YBX1: variants seen among roughly 807,000 people sequenced by gnomAD.
The protein encoded by YBX1 is Y-box-binding protein 1.
YBX1 carries 3 observed loss-of-function variants against 41.4 expected under a neutral mutation model. The ratio of observed to expected loss-of-function variants is 0.07; its 90% CI spans 0.03 to 0.19. The LOEUF (loss-of-function observed/expected upper bound fraction) is 0.19. Ranked by LOEUF, YBX1 falls within the 10% of genes least tolerant of loss-of-function variation. The probability of loss-of-function intolerance (pLI) is 1.00; values close to 1 mark genes in which losing one functional copy is unlikely to be tolerated. For synonymous variants in YBX1, 133 were observed against 165.8 expected, an observed-to-expected ratio of 0.80 and a Z score of 1.52; for missense variants, 274 against 462.8, an observed-to-expected ratio of 0.59 and a Z score of 3.74.
Position 42,682,646 on chromosome 1 carries a change from C to T in YBX1, c.81C>T (p.Pro27=), listed in dbSNP as rs939183563. 10 of 1,367,606 alleles carry T rather than the reference C, an allele frequency of 7.3e-6. No individual in the cohort carries two copies. In the African/African-American group the frequency reaches 7.6e-5, roughly 10 times the overall value. 84.7% of individuals were successfully genotyped at this position (1,367,606 alleles called of 1,614,324 possible). ...CCCTCAGCGCCGCCGACACCAAGCC[C>T]GGCACTACGGGCAGCGGCGCAGGGA... is the stretch of plus-strand genomic sequence containing the variant. ...APALSAADTK[P]GTTGSGAGSG... is the part of the protein sequence containing the mutation. Residue 27 remains proline (P), a synonymous_variant, in exon 1 of 8, where the codon CCC becomes CCT. Transcript: ENST00000321358.
rs1353955308 is a variant in YBX1, at chr1:42,703,594, T to TC, written c.*1646dup. Reference sequence around the variant, plus strand: ...GCAAGAGTGCAGTGGACCTGAAACTTCAACTGTTGGTAGCATCTAAACTGT... The same window carrying TC: ...GCAAGAGTGCAGTGGACCTGAAACTTCCAACTGTTGGTAGCATCTAAACTGT... On this transcript the variant is annotated 3_prime_UTR_variant, in exon 8 of 8. Coordinates refer to ENST00000321358, the MANE Select transcript of YBX1 (RefSeq NM_004559.5). 1.3e-5 allele frequency among the ~76,000 whole-genome samples: 2 copies of TC among 152,160 alleles called. No individual in the cohort carries two copies. The highest frequency in any genetic ancestry group is 1.9e-4 in the East Asian group (1 of 5,198).
chr1:42,685,361 C>G (rs1650169291), intron 2 of YBX1, among the ~76,000 whole-genome samples: 2 of 152,162 alleles, frequency 1.3e-5, no homozygotes, highest in African/African-American at 4.8e-5. Context: ...ATCCTAACCT[C>G]AATTATTTTG....
rs538572990 is a variant in YBX1, at chr1:42,693,671, A to G, written c.264+148A>G. 1.7e-4 allele frequency: 124 copies of G among 729,558 alleles called. No individual in the cohort carries two copies. The African/African-American group carries it at 2.0e-3, about 12-fold the overall frequency. 45.2% of individuals were successfully genotyped at this position (729,558 alleles called of 1,614,324 possible). On this transcript the variant is annotated intron_variant, in intron 3 of 7. Coordinates refer to ENST00000321358, the MANE Select transcript of YBX1 (RefSeq NM_004559.5). ...GACAGGAGTAGTAGCATGCTTAAAA[A>G]TGTATACGTGGAAATGTGTTAGAGT...
At chr1:42,689,836 A>G (rs1167068138) in intron 2 of YBX1, among the ~76,000 whole-genome samples, 1 of 152,170 alleles carries the variant, frequency 6.6e-6, no homozygotes, top group Non-Finnish European at 1.5e-5. Flanking sequence ...ACCCTTACCA[A>G]TCTGGATAGG....
chr1:42,688,084 G>T (rs1472794936), intron 2 of YBX1, among the ~76,000 whole-genome samples: 10 of 152,090 alleles, frequency 6.6e-5, no homozygotes, highest in Non-Finnish European at 1.5e-5. Flanking sequence ...CCAAGTCACT[G>T]ATACGTGACT....
Position 42,696,566 on chromosome 1 carries a change from G to A in YBX1, c.355-76G>A. 1 of 657,196 alleles carries A rather than the reference G, an allele frequency of 1.5e-6. No homozygotes were observed. The highest frequency in any genetic ancestry group is 3.6e-5 in the South Asian group (1 of 27,518). The allele number at this position is 657,196 out of a possible 1,614,324, so 40.7% of individuals were successfully genotyped here. A position where few individuals can be genotyped will look rare whatever the true frequency, so the allele number is the denominator to read the frequency against. On this transcript the variant is annotated intron_variant, in intron 4 of 7. Transcript: ENST00000321358. This position sits in a 1 kb window ranked among gnomAD's most constrained non-coding sequence, Gnocchi z 5.7. ...GTTGTTTTTTGCTTTGTTTGAAAAT[G>A]TTCTGATTTCCTTTTGAAAGTGTTG...
At chr1:42,683,493 A>G in intron 2 of YBX1, 27 bp downstream of exon 2, 4 of 1,612,296 alleles carry the variant, frequency 2.5e-6, no homozygotes, top group Admixed American at 1.7e-5. Context: ...TGAAGCCTCC[A>G]TCCCACCTTC....
chr1:42,682,646 C>G lies in YBX1; in HGVS notation c.81C>G (p.Pro27=), dbSNP rs939183563. ...CCCTCAGCGCCGCCGACACCAAGCC[C>G]GGCACTACGGGCAGCGGCGCAGGGA... ...APALSAADTK[P]GTTGSGAGSG... Residue 27 remains proline, a synonymous_variant, in exon 1 of 8, where the codon CCC becomes CCG. Transcript: ENST00000321358. 1.5e-6 allele frequency: 2 copies of G among 1,367,712 alleles called. No individual in the cohort carries two copies. Among genetic ancestry groups the G allele is most frequent in the Non-Finnish European group, 9.4e-7 (1 of 1,068,104 alleles). The allele number at this position is 1,367,712 out of a possible 1,614,324, so 84.7% of individuals were successfully genotyped here. A position where few individuals can be genotyped will look rare whatever the true frequency, so the allele number is the denominator to read the frequency against.
intron 2 of YBX1, among the ~76,000 whole-genome samples, chr1:42,684,816 T>A (rs762283157): frequency 6.6e-6 from 1 of 152,248 alleles, no homozygotes; most frequent in African/African-American, 2.4e-5. Flanking sequence ...CTCTGAACTT[T>A]CTAGTGTTTT....
chr1:42,701,438 A>G (rs986040682), intron 7 of YBX1, among the ~76,000 whole-genome samples: 1 of 152,162 alleles, frequency 6.6e-6, no homozygotes, highest in East Asian at 1.9e-4. Flanking sequence ...GGAAGTGGGG[A>G]TAGCTGTTAG....
In YBX1 at chr1:42,684,712, A is replaced by T. The variant is rs368653158; in HGVS notation, c.230+1246A>T. ...TTTGCTTTCCTGGCTGGCCGAAACT[A>T]CGTTTTTCATTAATTTTTTGATAAT... On this transcript the variant is annotated intron_variant, in intron 2 of 7. Transcript: ENST00000321358. 4.7e-4 allele frequency among the ~76,000 whole-genome samples: 71 copies of T among 152,274 alleles called. No homozygotes were observed. The South Asian group carries it at 0.013, about 28-fold the overall frequency.
rs1314592031 is a variant in YBX1 at position 42,697,128 on chromosome 1, T to G, written c.658-52T>G. The G allele has an allele frequency of 4.4e-6, 7 of 1,578,072 alleles. No homozygotes were observed. In the South Asian group the frequency reaches 4.7e-5, roughly 11 times the overall value. The stretch of plus-strand genomic sequence containing the variant: ...AACTCTTGGATTTATCTGGTTGGGT[T>G]TTTTTATTATATTACTGACCCAGTA... On this transcript the variant is annotated intron_variant, in intron 5 of 7. Transcript: ENST00000321358.
Position 42,703,295 on chromosome 1 carries a change from A to G in YBX1, c.*1346A>G, listed in dbSNP as rs922840800. On this transcript the variant is annotated 3_prime_UTR_variant, in exon 8 of 8. Coordinates refer to ENST00000321358, the MANE Select transcript of YBX1 (RefSeq NM_004559.5). ...GCTTTGTGAAATAGTCATGTAGTTG[A>G]TAGTGACTGCTGCCCCGAAACACTC... Among the ~76,000 whole-genome samples, 9 of 151,984 alleles carry G rather than the reference A, an allele frequency of 5.9e-5. No individual in the cohort carries two copies. Among genetic ancestry groups the G allele is most frequent in the Admixed American group, 5.9e-4 (9 of 15,250 alleles).
rs749693568 is a variant in YBX1, at chr1:42,696,511, G to GGCCC, written c.355-131_355-130insGCCC. Reference sequence around the variant, plus strand: ...TGTGCACCCCTGGTCACGCAGTTGCGCCCCCCCCCCCTTTTTTTTCCTTAA... The same window carrying GGCCC: ...TGTGCACCCCTGGTCACGCAGTTGCGGCCCCCCCCCCCCCCTTTTTTTTCCTTAA... On this transcript the variant is annotated intron_variant, in intron 4 of 7. Coordinates refer to ENST00000321358, the MANE Select transcript of YBX1 (RefSeq NM_004559.5). This position sits in a 1 kb window ranked among gnomAD's most constrained non-coding sequence, Gnocchi z 5.7. 3 of 468,948 alleles carry GGCCC rather than the reference G, an allele frequency of 6.4e-6. No individual in the cohort carries two copies. The highest frequency in any genetic ancestry group is 6.8e-6 in the Non-Finnish European group (2 of 295,928). The allele number at this position is 468,948 out of a possible 1,614,324, so 29.0% of individuals were successfully genotyped here.
intron 7 of YBX1, among the ~76,000 whole-genome samples, chr1:42,701,442 C>T (rs1650598012): frequency 6.6e-6 from 1 of 151,890 alleles, no homozygotes; most frequent in Non-Finnish European, 1.5e-5. Flanking sequence ...GTGGGGATAG[C>T]TGTTAGAATT....
At chr1:42,687,334 G>A (rs963031948) in intron 2 of YBX1, among the ~76,000 whole-genome samples, 1 of 148,930 alleles carries the variant, frequency 6.7e-6, no homozygotes, top group Admixed American at 6.7e-5. Context: ...ACCCAGGCTG[G>A]AGTGCAATGG....
chr1:42,685,363 A>G (rs557776597), intron 2 of YBX1, among the ~76,000 whole-genome samples: 1 of 152,306 alleles, frequency 6.6e-6, no homozygotes, highest in Admixed American at 6.5e-5. Flanking sequence ...CCTAACCTCA[A>G]TTATTTTGTC....
In YBX1 at chr1:42,696,495, C is replaced by G. The variant is rs1650460232; in HGVS notation, c.355-147C>G. ...GATATTTAGTCATTTCTGTGCACCC[C>G]TGGTCACGCAGTTGCGCCCCCCCCC... is the stretch of plus-strand genomic sequence containing the variant. On this transcript the variant is annotated intron_variant, in intron 4 of 7. Coordinates refer to ENST00000321358, the MANE Select transcript of YBX1 (RefSeq NM_004559.5). The surrounding 1 kb of genome is among the most constrained non-coding windows in gnomAD (Gnocchi z 5.7). 2 of 961,364 alleles carry G rather than the reference C, an allele frequency of 2.1e-6. No individual in the cohort carries two copies. Among genetic ancestry groups the G allele is most frequent in the African/African-American group, 3.4e-5 (2 of 59,244 alleles). The allele number at this position is 961,364 out of a possible 1,614,324, so 59.6% of individuals were successfully genotyped here.
intron 6 of YBX1, among the ~76,000 whole-genome samples, chr1:42,697,795 A>G (rs997962417): frequency 2.1e-4 from 32 of 152,184 alleles, no homozygotes; most frequent in Non-Finnish European, 4.1e-4. Flanking sequence ...TTGAGTGGGT[A>G]TTAGAAATCT....
Sources: allele counts gnomAD v4.1 joint callset (sites outside exome capture counted in the v4.1 genomes callset), GRCh38; gene constraint gnomAD v4.1.1; non-coding constraint Gnocchi (gnomAD v3.1); transcripts MANE v1.5; gene names NCBI Gene and HGNC (gene_info 2026-07-23, HGNC 2026-07-21).